Variants in ZNG1E observed in about 807,000 individuals in gnomAD.
ZNG1E encodes the protein zinc-regulated GTPase metalloprotein activator 1E.
the ZNG1E span, among the ~76,000 whole-genome samples, chr9:65,714,334 CTG>C: frequency 6.6e-6 from 1 of 151,708 alleles, no homozygotes; most frequent in East Asian, 1.9e-4. Context: ...ATTTGATCGT[CTG>C]AAGCCTTCTT....
At chr9:65,712,006 C>G in the ZNG1E span, among the ~76,000 whole-genome samples, 308 of 124,730 alleles carry the variant, frequency 2.5e-3, no homozygotes, top group African/African-American at 7.9e-3. Flanking sequence ...GGTTGGTAAG[C>G]TATTGATTAT....
the ZNG1E span, among the ~76,000 whole-genome samples, chr9:65,667,954 C>T: frequency 7.1e-6 from 1 of 140,326 alleles, no homozygotes; most frequent in African/African-American, 2.7e-5. Context: ...CAAGACTGCA[C>T]CATTGTACTC....
chr9:65,712,007 TATTG>T, the ZNG1E span, among the ~76,000 whole-genome samples: 3 of 130,804 alleles, frequency 2.3e-5, no homozygotes, highest in East Asian at 6.5e-4. Flanking sequence ...GTTGGTAAGC[TATTG>T]ATTATTGCCA....
At chr9:65,672,549 G>A in the ZNG1E span, among the ~76,000 whole-genome samples, 1 of 151,688 alleles carries the variant, frequency 6.6e-6, no homozygotes, top group Non-Finnish European at 1.5e-5. Flanking sequence ...TTCAAGACCA[G>A]CCTGGCTAAC....
At chr9:65,705,305 A>G in the ZNG1E span, among the ~76,000 whole-genome samples, 2 of 151,378 alleles carry the variant, frequency 1.3e-5, no homozygotes, top group Admixed American at 6.6e-5. Context: ...CAGCTGGTCA[A>G]TAATAAGTTA....
At chr9:65,678,066 C>T in the ZNG1E span, among the ~76,000 whole-genome samples, 1 of 150,272 alleles carries the variant, frequency 6.7e-6, no homozygotes, top group African/African-American at 2.4e-5. Flanking sequence ...TATTAGAAAC[C>T]TTTGAATGAA....
chr9:65,691,280 G>A, the ZNG1E span, among the ~76,000 whole-genome samples: 4 of 149,856 alleles, frequency 2.7e-5, no homozygotes, highest in East Asian at 1.9e-4. Context: ...ACGGGGTTTC[G>A]CCATGTTGGC....
the ZNG1E span, among the ~76,000 whole-genome samples, chr9:65,671,378 T>G: frequency 0.05 from 5,219 of 105,356 alleles, 2 homozygotes; most frequent in African/African-American, 0.082. Flanking sequence ...TGGAGTGCAG[T>G]GGCACAATCT....
chr9:65,667,350 G>T, the ZNG1E span, among the ~76,000 whole-genome samples: 1 of 152,238 alleles, frequency 6.6e-6, no homozygotes, highest in South Asian at 2.1e-4. Flanking sequence ...ATATGAGTTT[G>T]CTATAAAAAT....
the ZNG1E span, among the ~76,000 whole-genome samples, chr9:65,662,152 A>C: frequency 6.6e-6 from 1 of 152,254 alleles, no homozygotes; most frequent in Non-Finnish European, 1.5e-5. Flanking sequence ...ATCAACTTGT[A>C]GTATCCCTGC....
chr9:65,680,784 A>G, the ZNG1E span, among the ~76,000 whole-genome samples: 1 of 152,246 alleles, frequency 6.6e-6, no homozygotes, highest in African/African-American at 2.4e-5. Flanking sequence ...AATTTGACTA[A>G]AAGTTTAGGT....
At chr9:65,658,998 G>A in the ZNG1E span, among the ~76,000 whole-genome samples, 77 of 151,978 alleles carry the variant, frequency 5.1e-4, no homozygotes, top group African/African-American at 1.8e-3. Flanking sequence ...GGGGGTTAGG[G>A]CTTCACTGAG....
At chr9:65,715,373 T>TG in the ZNG1E span, among the ~76,000 whole-genome samples, 1 of 150,928 alleles carries the variant, frequency 6.6e-6, no homozygotes, top group South Asian at 2.1e-4. Context: ...TCTCTCACGC[T>TG]GGGAGCTGTA....
chr9:65,658,065 C>T, the ZNG1E span, among the ~76,000 whole-genome samples: 34 of 151,444 alleles, frequency 2.2e-4, no homozygotes, highest in Non-Finnish European at 4.0e-4. Flanking sequence ...CACCATTGCA[C>T]TCCAGCCTGG....
chr9:65,663,823 G>A, the ZNG1E span, among the ~76,000 whole-genome samples: 1 of 146,280 alleles, frequency 6.8e-6, no homozygotes, highest in Non-Finnish European at 1.5e-5. Context: ...GTAATAGGAT[G>A]CAAAGTTTTT....
chr9:65,676,551 G>A, the ZNG1E span, among the ~76,000 whole-genome samples: 1 of 148,896 alleles, frequency 6.7e-6, no homozygotes, highest in South Asian at 2.1e-4. Flanking sequence ...TAAAATGTCC[G>A]ACACGTGGGG....
the ZNG1E span, among the ~76,000 whole-genome samples, chr9:65,693,659 G>C: frequency 6.7e-6 from 1 of 148,650 alleles, no homozygotes; most frequent in African/African-American, 2.4e-5. Flanking sequence ...CCAGGTTCAA[G>C]CGATTCCCTT....
At chr9:65,711,046 A>G in the ZNG1E span, among the ~76,000 whole-genome samples, 1 of 141,204 alleles carries the variant, frequency 7.1e-6, no homozygotes, top group Non-Finnish European at 1.5e-5. Context: ...AGTGGTTTGT[A>G]GTTCTCCTTG....
the ZNG1E span, among the ~76,000 whole-genome samples, chr9:65,663,922 C>G: frequency 3.5e-4 from 54 of 152,140 alleles, no homozygotes; most frequent in Non-Finnish European, 1.9e-4. Context: ...GGGTGTGTAT[C>G]ATCACAAACA....
Sources: gnomAD v4.1 joint callset for allele counts (sites outside exome capture counted in the v4.1 genomes callset) on GRCh38, gnomAD v4.1.1 for gene constraint, MANE v1.5 for transcripts, NCBI Gene and HGNC (gene_info 2026-07-23, HGNC 2026-07-21) for gene names.